Variants in RANBP2 observed in about 807,000 individuals in gnomAD.
RANBP2 encodes the protein E3 SUMO-protein ligase RanBP2.
A neutral mutation model predicts 303.6 loss-of-function variants in RANBP2; 57 were observed. The observed-to-expected ratio is 0.19, with a 90% CI of 0.15 to 0.23. The LOEUF (loss-of-function observed/expected upper bound fraction) is 0.23, where lower values mean the gene tolerates loss of function less well. Among genes scored for constraint, RANBP2 ranks in the 10% least tolerant of loss-of-function variants. The probability of loss-of-function intolerance (pLI) is 1.00; values close to 1 mark genes in which losing one functional copy is unlikely to be tolerated. For synonymous variants in RANBP2, 1,167 were observed against 1,301.5 expected (o/e 0.90, Z 2.23); for missense variants, 3,138 against 3,780.8 (o/e 0.83, Z 4.46).
At chr2:109,508,048 C>T in the RANBP2 span, among the ~76,000 whole-genome samples, 1 of 152,314 alleles carries the variant, frequency 6.6e-6, no homozygotes, top group East Asian at 1.9e-4. Flanking sequence ...TATTGCTGGG[C>T]TCTGCTGCCC....
At chr2:109,400,876 A>T in the RANBP2 span, among the ~76,000 whole-genome samples, 734 of 152,306 alleles carry the variant, frequency 4.8e-3, 4 homozygotes, top group African/African-American at 0.017. Context: ...GAGAACAGCC[A>T]TTGGGGCTGC....
chr2:109,436,356 C>T, the RANBP2 span, among the ~76,000 whole-genome samples: 3 of 152,188 alleles, frequency 2.0e-5, no homozygotes, highest in Admixed American at 6.5e-5. Context: ...CTGGAAACTT[C>T]GGAGTGAAAG....
chr2:108,882,204 G>C, the RANBP2 span: 2 of 151,498 alleles, frequency 1.3e-5, no homozygotes, highest in East Asian at 3.9e-4. Flanking sequence ...CACCATGACA[G>C]ATATAATAAC....
At chr2:109,242,063 G>C in the RANBP2 span, among the ~76,000 whole-genome samples, 6 of 152,174 alleles carry the variant, frequency 3.9e-5, no homozygotes, top group African/African-American at 1.4e-4. Context: ...CTCTGGTGTA[G>C]ACGGGGGTGT....
chr2:108,958,443 C>T, the RANBP2 span, among the ~76,000 whole-genome samples: 417 of 152,004 alleles, frequency 2.7e-3, 23 homozygotes, highest in South Asian at 0.08. Flanking sequence ...ACAAAAAAAA[C>T]CCCAGGGCAG....
the RANBP2 span, among the ~76,000 whole-genome samples, chr2:109,580,835 TG>T: frequency 6.6e-6 from 1 of 152,240 alleles, no homozygotes; most frequent in Non-Finnish European, 1.5e-5. Flanking sequence ...GCTTCCTGAC[TG>T]GGGACAAGTG....
chr2:108,850,436 C>A, the RANBP2 span, among the ~76,000 whole-genome samples: 1 of 151,798 alleles, frequency 6.6e-6, no homozygotes, highest in Non-Finnish European at 1.5e-5. Context: ...TAATACTTGG[C>A]GAGTTTTTTT....
At chr2:109,610,708 T>C in the RANBP2 span, among the ~76,000 whole-genome samples, 1 of 151,840 alleles carries the variant, frequency 6.6e-6, no homozygotes. Context: ...AAAGCGACAT[T>C]CCGTCTTCAA....
chr2:109,508,473 G>A, the RANBP2 span, among the ~76,000 whole-genome samples: 3 of 152,298 alleles, frequency 2.0e-5, no homozygotes, highest in African/African-American at 7.2e-5. Context: ...GCAAAAGCAC[G>A]CGTCTTCCGA....
At chr2:109,535,308 G>T in the RANBP2 span, among the ~76,000 whole-genome samples, 1 of 152,170 alleles carries the variant, frequency 6.6e-6, no homozygotes, top group Non-Finnish European at 1.5e-5. Flanking sequence ...CCAGCTTGAT[G>T]AATCTTCACA....
the RANBP2 span, among the ~76,000 whole-genome samples, chr2:109,714,463 G>A: frequency 6.6e-6 from 1 of 151,618 alleles, no homozygotes; most frequent in Non-Finnish European, 1.5e-5. Flanking sequence ...CACCACGCCT[G>A]GCTAATTTTT....
chr2:109,401,256 A>G, the RANBP2 span, among the ~76,000 whole-genome samples: 1 of 152,210 alleles, frequency 6.6e-6, no homozygotes, highest in African/African-American at 2.4e-5. Context: ...GGCGATGTGA[A>G]CAGTCGAAAG....
chr2:109,032,525 G>A, the RANBP2 span, among the ~76,000 whole-genome samples: 1 of 151,996 alleles, frequency 6.6e-6, no homozygotes, highest in Non-Finnish European at 1.5e-5. Flanking sequence ...ACCATGGAAG[G>A]GCTTTCTCCT....
the RANBP2 span, among the ~76,000 whole-genome samples, chr2:109,538,568 G>A: frequency 3.9e-5 from 6 of 152,248 alleles, no homozygotes; most frequent in African/African-American, 1.4e-4. Context: ...CCAGGCCAGA[G>A]TGCAGTGGCA....
chr2:109,539,074 C>T, the RANBP2 span, among the ~76,000 whole-genome samples: 2 of 151,972 alleles, frequency 1.3e-5, no homozygotes, highest in Non-Finnish European at 1.5e-5. Context: ...CCAAGGCAGG[C>T]GGCTCATGAG....
chr2:109,509,948 G>A, the RANBP2 span, among the ~76,000 whole-genome samples: 1 of 152,288 alleles, frequency 6.6e-6, no homozygotes. Context: ...ATAGGGCAAA[G>A]TACTAAGGGA....
the RANBP2 span, among the ~76,000 whole-genome samples, chr2:109,428,074 G>A: frequency 0.035 from 5,313 of 152,302 alleles, 319 homozygotes; most frequent in African/African-American, 0.12. Context: ...CACTCCTGCT[G>A]TGGGTCTTCC....
chr2:109,339,206 T>G, the RANBP2 span, among the ~76,000 whole-genome samples: 1 of 151,548 alleles, frequency 6.6e-6, no homozygotes, highest in African/African-American at 2.4e-5. Context: ...GGTATAACTT[T>G]TATTGAAAAA....
At chr2:109,641,122 T>C in the RANBP2 span, among the ~76,000 whole-genome samples, 1 of 142,526 alleles carries the variant, frequency 7.0e-6, no homozygotes, top group Non-Finnish European at 1.6e-5. Context: ...ACAAAAGGAA[T>C]GGTTTTATTT....
Sources: gnomAD v4.1 joint callset for allele counts (sites outside exome capture counted in the v4.1 genomes callset) on GRCh38, gnomAD v4.1.1 for gene constraint, MANE v1.5 for transcripts, NCBI Gene and HGNC (gene_info 2026-07-23, HGNC 2026-07-21) for gene names.